The following ATXN7L1 variants were observed in gnomAD, a reference collection of about 807,000 sequenced individuals.
The protein encoded by ATXN7L1 is ataxin-7-like protein 1.
Under a neutral mutation model 70.8 loss-of-function variants are expected in ATXN7L1, and 15 were observed. That is an observed-to-expected ratio of 0.21 (90% confidence interval 0.14 to 0.33). The LOEUF (loss-of-function observed/expected upper bound fraction) is 0.33, where lower values mean the gene tolerates loss of function less well. Ranked by LOEUF, ATXN7L1 falls within the 10% of genes least tolerant of loss-of-function variation. The probability of loss-of-function intolerance (pLI) is 1.00; values close to 1 mark genes in which losing one functional copy is unlikely to be tolerated. For missense variants in ATXN7L1, 975 were observed against 1,097.1 expected (o/e 0.89, Z 1.57); for synonymous variants, 440 against 445.1 (o/e 0.99, Z 0.14).
chr7:105,737,528 CGTGTGTGT>C (rs71520935), intron 3 of ATXN7L1, among the ~76,000 whole-genome samples: 91 of 148,726 alleles, frequency 6.1e-4, no homozygotes, highest in African/African-American at 1.8e-3. Context: ...CTAACGTCCC[CGTGTGTGT>C]GTGTGTGTGT....
chr7:105,732,565 A>G (rs912270824), intron 3 of ATXN7L1, among the ~76,000 whole-genome samples: 6 of 152,186 alleles, frequency 3.9e-5, no homozygotes, highest in Admixed American at 6.5e-5. Context: ...TGGACCCCCA[A>G]GGCCCCTCCA....
chr7:105,620,385 G>A, intron 8 of ATXN7L1, 64 bp from the exon 9 acceptor site: 1 of 1,431,132 alleles, frequency 7.0e-7, no homozygotes. Flanking sequence ...ACTATACAGA[G>A]AAAAATAACA....
At chr7:105,853,323 T>TC (rs1230909661) in intron 2 of ATXN7L1, among the ~76,000 whole-genome samples, 1 of 152,118 alleles carries the variant, frequency 6.6e-6, no homozygotes, top group Non-Finnish European at 1.5e-5. Context: ...CCGAGGCGTG[T>TC]AGATCACCTG....
chr7:105,815,203 G>C (rs1301102046), intron 2 of ATXN7L1, among the ~76,000 whole-genome samples: 1 of 152,216 alleles, frequency 6.6e-6, no homozygotes, highest in Non-Finnish European at 1.5e-5. Context: ...ATGGAGCGAA[G>C]AGGGGGAGAA....
At chr7:105,871,803 A>T (rs1818309089) in intron 2 of ATXN7L1, among the ~76,000 whole-genome samples, 1 of 152,214 alleles carries the variant, frequency 6.6e-6, no homozygotes, top group Admixed American at 6.5e-5. Flanking sequence ...TTTATTACAG[A>T]CATTTCAAAG....
At chr7:105,670,685 C>T (rs1803410417) in intron 3 of ATXN7L1, among the ~76,000 whole-genome samples, 1 of 151,968 alleles carries the variant, frequency 6.6e-6, no homozygotes, top group Non-Finnish European at 1.5e-5. Context: ...CTGATTTGGC[C>T]GGGCGTGGTG....
At chr7:105,745,109 T>G (rs1798433838) in intron 3 of ATXN7L1, among the ~76,000 whole-genome samples, 1 of 152,236 alleles carries the variant, frequency 6.6e-6, no homozygotes, top group South Asian at 2.1e-4. Flanking sequence ...GTTAGTTTCC[T>G]GATAATTGTA....
At chr7:105,623,996 T>A in intron 8 of ATXN7L1, 79 bp downstream of exon 8, 1 of 1,249,374 alleles carries the variant, frequency 8.0e-7, no homozygotes, top group Non-Finnish European at 1.0e-6. Context: ...TTAGGAAGGA[T>A]CATGCCTCTG....
At chr7:105,695,885 T>G (rs1402538085) in intron 3 of ATXN7L1, among the ~76,000 whole-genome samples, 1 of 152,214 alleles carries the variant, frequency 6.6e-6, no homozygotes, top group African/African-American at 2.4e-5. Context: ...GCATTTGCTC[T>G]GAGGGACAGG....
chr7:105,849,036 C>CTT (rs1303892071), intron 2 of ATXN7L1, among the ~76,000 whole-genome samples: 2 of 152,220 alleles, frequency 1.3e-5, no homozygotes, highest in African/African-American at 4.8e-5. Context: ...TGACCTAAGG[C>CTT]TTATCCTCCA....
chr7:105,717,265 TTA>T (rs1794678534), intron 3 of ATXN7L1, among the ~76,000 whole-genome samples: 1 of 152,094 alleles, frequency 6.6e-6, no homozygotes, highest in South Asian at 2.1e-4. Flanking sequence ...GTACGTGGGA[TTA>T]TAGGTGGACG....
At chr7:105,619,518 ATATATATATATATTTTTTTTTTTTTTTTT>A (rs1484492518) in intron 9 of ATXN7L1, among the ~76,000 whole-genome samples, 7 of 28,896 alleles carry the variant, frequency 2.4e-4, no homozygotes, top group African/African-American at 4.3e-4. Flanking sequence ...ATATATATAT[ATATATATATATATTTTTTTTTTTTTTTTT>A]TTTTTTTTTT....
At chr7:105,764,546 A>G (rs909323765) in intron 3 of ATXN7L1, among the ~76,000 whole-genome samples, 5 of 152,206 alleles carry the variant, frequency 3.3e-5, no homozygotes, top group African/African-American at 1.2e-4. Context: ...GACTTAAAGG[A>G]TTAAACATCT....
intron 2 of ATXN7L1, among the ~76,000 whole-genome samples, chr7:105,873,984 G>A (rs1339397997): frequency 2.0e-5 from 3 of 152,006 alleles, no homozygotes; most frequent in South Asian, 2.1e-4. Context: ...AATTAACTGG[G>A]TGTGGTGGCA....
intron 3 of ATXN7L1, among the ~76,000 whole-genome samples, chr7:105,695,056 C>T (rs1046459853): frequency 6.6e-6 from 1 of 151,946 alleles, no homozygotes; most frequent in Non-Finnish European, 1.5e-5. Context: ...GAGGCTGAGG[C>T]AGGAGAATTG....
intron 3 of ATXN7L1, among the ~76,000 whole-genome samples, chr7:105,773,371 G>C (rs1353700047): frequency 1.3e-5 from 2 of 152,180 alleles, no homozygotes; most frequent in African/African-American, 2.4e-5. Flanking sequence ...CCCATGCCCT[G>C]CACTGCCACA....
chr7:105,797,920 A>T (rs1162512742), intron 2 of ATXN7L1, among the ~76,000 whole-genome samples: 2 of 152,234 alleles, frequency 1.3e-5, no homozygotes, highest in African/African-American at 2.4e-5. Flanking sequence ...ACAGTCTGGC[A>T]TGTGGTAGCT....
intron 8 of ATXN7L1, among the ~76,000 whole-genome samples, chr7:105,622,389 C>G (rs1421673244): frequency 1.3e-5 from 2 of 152,200 alleles, no homozygotes; most frequent in Non-Finnish European, 2.9e-5. Flanking sequence ...ACCTGTGTAT[C>G]TGATTCCGTA....
chr7:105,813,809 C>A (rs1808796600), intron 2 of ATXN7L1, among the ~76,000 whole-genome samples: 1 of 152,122 alleles, frequency 6.6e-6, no homozygotes, highest in African/African-American at 2.4e-5. Flanking sequence ...AATTCTATCT[C>A]TCTCTCTCTT....
Sources: gnomAD v4.1 joint callset for allele counts (sites outside exome capture counted in the v4.1 genomes callset) on GRCh38, gnomAD v4.1.1 for gene constraint, MANE v1.5 for transcripts, NCBI Gene and HGNC (gene_info 2026-07-23, HGNC 2026-07-21) for gene names.